The following DLG1 variants were observed in gnomAD, a reference collection of about 807,000 sequenced individuals.
The protein encoded by DLG1 is discs large MAGUK scaffold protein 1.
DLG1 carries 42 observed loss-of-function variants against 123.4 expected under a neutral mutation model. That is an observed-to-expected ratio of 0.34 (90% confidence interval 0.27 to 0.44). DLG1 has a LOEUF of 0.44. Ranked by LOEUF, DLG1 falls within the 20% of genes least tolerant of loss-of-function variation. DLG1 has a pLI of 1.00. For synonymous variants in DLG1, 317 were observed against 356.2 expected (o/e 0.89, Z 1.24); for missense variants, 942 against 1,082.6 (o/e 0.87, Z 1.82).
intron 8 of DLG1, 146 bp downstream of exon 8, chr3:197,139,994 T>C (rs1017372373): frequency 7.9e-6 from 6 of 761,726 alleles, no homozygotes; most frequent in East Asian, 2.9e-5. Context: ...AATTATCTCA[T>C]TCATTGACTT....
At chr3:197,223,035 T>C (rs1242707368) in intron 4 of DLG1, among the ~76,000 whole-genome samples, 1 of 152,204 alleles carries the variant, frequency 6.6e-6, no homozygotes, top group African/African-American at 2.4e-5. Flanking sequence ...AATAGCTAAT[T>C]CTACACTACA....
chr3:197,164,185 T>C (rs1800128968), intron 5 of DLG1, among the ~76,000 whole-genome samples: 1 of 150,066 alleles, frequency 6.7e-6, no homozygotes, highest in Admixed American at 6.6e-5. Context: ...AGGTCAAGAG[T>C]TCAAGACCAG....
intron 4 of DLG1, among the ~76,000 whole-genome samples, chr3:197,200,785 C>T (rs1454371025): frequency 6.6e-6 from 1 of 152,070 alleles, no homozygotes; most frequent in Non-Finnish European, 1.5e-5. Flanking sequence ...AATTCAGCAT[C>T]CCTTCATAAT....
rs1373600010 is a variant in DLG1, at chr3:197,076,645, C to T, written c.1946G>A (p.Arg649Gln). Residue 649 changes from arginine (R) to glutamine (Q), a missense_variant, in exon 18 of 25, where the codon CGA becomes CAA. Arg to Gln is a conservative substitution (Grantham distance 43). Transcript: ENST00000667157. ...NDKRKKNLFS[R>Q]KFPFYKNKDQ... ...CTTGTTCTTGTAGAAGGGGAATTTT[C>T]GGGAAAAGAGGTTCTTTTTACGCTT... 2.5e-6 allele frequency: 4 copies of T among 1,612,754 alleles called. No homozygotes were observed. Among genetic ancestry groups the T allele is most frequent in the Non-Finnish European group, 2.5e-6 (3 of 1,179,138 alleles).
rs1729542352 is a variant in DLG1, at chr3:197,208,116, A to G, written c.319-13527T>C. On this transcript the variant is annotated intron_variant, in intron 4 of 24. Transcript: ENST00000667157. Reference sequence around the variant, plus strand: ...AAGAACAAGCAAACAATTTAGAGAAAAAAAAAAATCAAGTAATTCTTACAT... The same window carrying G: ...AAGAACAAGCAAACAATTTAGAGAAGAAAAAAAATCAAGTAATTCTTACAT... Among the ~76,000 whole-genome samples the G allele has an allele frequency of 1.4e-5, 2 of 145,722 alleles. 1 individual carries two copies. The highest frequency in any genetic ancestry group is 5.1e-4 in the South Asian group (2 of 3,894).
chr3:197,181,769 AG>A (rs11357010), intron 5 of DLG1, among the ~76,000 whole-genome samples: 23,257 of 152,156 alleles, frequency 0.15, 1,914 homozygotes, highest in African/African-American at 0.2. Flanking sequence ...TAAAATAGAA[AG>A]GTAATGAAAA....
In DLG1 at chr3:197,090,819, C is replaced by T. The variant is rs191512286; in HGVS notation, c.1661+93G>A. 645 of 691,180 alleles carry T rather than the reference C, an allele frequency of 9.3e-4. 3 individuals are homozygous for T. In the East Asian group the frequency reaches 0.013, roughly 14 times the overall value. The allele number at this position is 691,180 out of a possible 1,614,324, so 42.8% of individuals were successfully genotyped here. On this transcript the variant is annotated intron_variant, in intron 15 of 24. Coordinates refer to ENST00000667157, the MANE Select transcript of DLG1 (RefSeq NM_001366207.1). Reference sequence around the variant, plus strand: ...CACTGATTGGCAATATATTTTCTTACGGTAAAACTAAGTAAGTTATAGTGA... The same window carrying T: ...CACTGATTGGCAATATATTTTCTTATGGTAAAACTAAGTAAGTTATAGTGA...
At chr3:197,138,472 C>T in intron 8 of DLG1, 81 bp from the exon 9 acceptor site, 1 of 689,956 alleles carries the variant, frequency 1.4e-6, no homozygotes, top group Non-Finnish European at 1.9e-6. Flanking sequence ...TTTTTTGTTA[C>T]TTCTTTTTTA....
chr3:197,182,668 C>T (rs1488077123), intron 5 of DLG1, among the ~76,000 whole-genome samples: 2 of 151,004 alleles, frequency 1.3e-5, no homozygotes, highest in Non-Finnish European at 3.0e-5. Flanking sequence ...ATTTAAATAT[C>T]ACTGATGTCA....
intron 5 of DLG1, 69 bp from the exon 6 acceptor site, chr3:197,149,865 G>C: frequency 1.1e-6 from 1 of 915,498 alleles, no homozygotes; most frequent in Non-Finnish European, 1.8e-6. Flanking sequence ...CACAATGTTA[G>C]AGGCATAGGA....
intron 13 of DLG1, among the ~76,000 whole-genome samples, chr3:197,114,776 A>ATCGTC (rs1772161147): frequency 2.0e-5 from 3 of 152,078 alleles, no homozygotes; most frequent in Non-Finnish European, 2.9e-5. Context: ...AGGTCAGGAG[A>ATCGTC]TCGAGACCAT....
rs527764462 is a variant in DLG1, at chr3:197,186,859, T to C, written c.483+7566A>G. Among the ~76,000 whole-genome samples the C allele has an allele frequency of 7.9e-5, 12 of 152,230 alleles. No individual in the cohort carries two copies. In the East Asian group the frequency reaches 2.1e-3, roughly 27 times the overall value. On this transcript the variant is annotated intron_variant, in intron 5 of 24. Transcript: ENST00000667157. ...ACCCACGTAGCTGAGGTTACCACCATGCCCAGTTTACTAAATAATCTTAGT... is the reference window on the plus strand; with the variant it reads ...ACCCACGTAGCTGAGGTTACCACCACGCCCAGTTTACTAAATAATCTTAGT...
chr3:197,221,514 G>A (rs535689945), intron 4 of DLG1, among the ~76,000 whole-genome samples: 1 of 150,686 alleles, frequency 6.6e-6, no homozygotes, highest in East Asian at 1.9e-4. Flanking sequence ...GACAGAGTGA[G>A]ACTCCATCTC....
intron 5 of DLG1, among the ~76,000 whole-genome samples, chr3:197,167,738 T>C (rs964613016): frequency 7.2e-5 from 11 of 152,302 alleles, no homozygotes; most frequent in African/African-American, 2.4e-4. Context: ...ATTTAAGGTA[T>C]AGAATTTGAT....
intron 3 of DLG1, chr3:197,293,918 T>A (rs1314088641): frequency 3.3e-5 from 5 of 149,750 alleles, no homozygotes; most frequent in African/African-American, 1.2e-4. Context: ...AGAAAAAACC[T>A]TTCAGTAAGT....
At chr3:197,196,407 T>C (rs987435252) in intron 4 of DLG1, among the ~76,000 whole-genome samples, 6 of 152,140 alleles carry the variant, frequency 3.9e-5, no homozygotes, top group African/African-American at 1.4e-4. Flanking sequence ...TTCTCTAACT[T>C]TATCCTGTAA....
intron 24 of DLG1, among the ~76,000 whole-genome samples, chr3:197,050,382 CA>C (rs1256955089): frequency 2.7e-5 from 4 of 150,564 alleles, no homozygotes; most frequent in East Asian, 2.0e-4. Flanking sequence ...AAAACAACAA[CA>C]AAAAAAACCC....
intron 4 of DLG1, among the ~76,000 whole-genome samples, chr3:197,249,045 G>A (rs1753137839): frequency 6.6e-6 from 1 of 152,020 alleles, no homozygotes; most frequent in South Asian, 2.1e-4. Flanking sequence ...AGAAAAGCAA[G>A]AACAAACCAA....
At chr3:197,164,992 G>A (rs937759733) in intron 5 of DLG1, among the ~76,000 whole-genome samples, 2 of 151,728 alleles carry the variant, frequency 1.3e-5, no homozygotes, top group South Asian at 2.1e-4. Flanking sequence ...TTATCAGTAC[G>A]AACAGTTTAT....
Sources: gnomAD v4.1 joint callset for allele counts (sites outside exome capture counted in the v4.1 genomes callset) on GRCh38, gnomAD v4.1.1 for gene constraint, MANE v1.5 for transcripts, NCBI Gene and HGNC (gene_info 2026-07-23, HGNC 2026-07-21) for gene names.